The following NTAQ1 variants were observed in gnomAD, a reference collection of about 807,000 sequenced individuals.
NTAQ1 encodes the protein N-terminal glutamine amidase 1.
A neutral mutation model predicts 28.2 loss-of-function variants in NTAQ1; 21 were observed. The observed-to-expected ratio is 0.74, with a 90% CI of 0.53 to 1.07. The LOEUF is 1.07. Among genes scored for constraint, NTAQ1 ranks in the 50% least tolerant of loss-of-function variants. NTAQ1 has a pLI of 0.00. For synonymous variants in NTAQ1, 105 were observed against 90.0 expected, an observed-to-expected ratio of 1.17 and a Z score of -0.94; for missense variants, 264 against 256.6, an observed-to-expected ratio of 1.03 and a Z score of -0.20.
At chr8:123,447,636 T>C (rs987562372) in intron 6 of NTAQ1, among the ~76,000 whole-genome samples, 4 of 152,168 alleles carry the variant, frequency 2.6e-5, no homozygotes, top group African/African-American at 9.7e-5. Context: ...AAAAAGCACC[T>C]GAGAAGCTTC....
intron 3 of NTAQ1, among the ~76,000 whole-genome samples, chr8:123,430,476 T>C (rs112579363): frequency 6.2e-4 from 94 of 152,322 alleles, no homozygotes; most frequent in African/African-American, 2.2e-3. Context: ...ACACCATCTC[T>C]AATAATAATA....
At chr8:123,424,284 C>G (rs1223732946) in intron 1 of NTAQ1, among the ~76,000 whole-genome samples, 1 of 151,184 alleles carries the variant, frequency 6.6e-6, no homozygotes, top group African/African-American at 2.4e-5. Context: ...GCACTGTTGC[C>G]TGGGCTGGAG....
rs71310676 is a variant in NTAQ1, at chr8:123,420,590, C to CTTTTTTT, written c.83+3671_83+3677dup. Among the ~76,000 whole-genome samples, 39 of 102,056 alleles carry CTTTTTTT rather than the reference C, an allele frequency of 3.8e-4. 1 individual carries two copies. The highest frequency in any genetic ancestry group is 4.4e-4 in the Non-Finnish European group (24 of 55,020). The allele number at this position is 102,056 out of a possible 152,430, so 67.0% of individuals were successfully genotyped here. A position where few individuals can be genotyped will look rare whatever the true frequency, so the allele number is the denominator to read the frequency against. On this transcript the variant is annotated intron_variant, in intron 1 of 5. Transcript: ENST00000287387. ...CTTGCCAGCGTCTGTTATTTTTTGCCTTTTTTTTTTTTTTTTTTTGAGACA... is the reference window on the plus strand; with the variant it reads ...CTTGCCAGCGTCTGTTATTTTTTGCCTTTTTTTTTTTTTTTTTTTTTTTTTTGAGACA...
intron 1 of NTAQ1, among the ~76,000 whole-genome samples, chr8:123,422,295 A>C (rs1387204885): frequency 9.8e-6 from 1 of 102,428 alleles, no homozygotes; most frequent in Admixed American, 9.9e-5. Context: ...TTTTTTTTTG[A>C]GACAGGGTCT....
At chr8:123,418,445 C>T (rs1339562956) in intron 1 of NTAQ1, among the ~76,000 whole-genome samples, 5 of 94,674 alleles carry the variant, frequency 5.3e-5, no homozygotes, top group Admixed American at 3.1e-4. Context: ...AAGACTCCAT[C>T]TCAAAAAAAA....
chr8:123,436,320 T>G (rs1203602295), intron 3 of NTAQ1, 133 bp from the exon 4 acceptor site: 1 of 711,454 alleles, frequency 1.4e-6, no homozygotes, highest in Non-Finnish European at 2.2e-6. Context: ...TTGTGTTTGC[T>G]TTATTCTATT....
At chr8:123,444,709 C>G (rs1365422487), downstream of NTAQ1, among the ~76,000 whole-genome samples, 2 of 152,176 alleles carry the variant, frequency 1.3e-5, no homozygotes, top group Non-Finnish European at 2.9e-5. Flanking sequence ...CGGGGTTTCA[C>G]CGTGTTAGCC....
intron 6 of NTAQ1, among the ~76,000 whole-genome samples, chr8:123,459,060 G>C (rs1175984494): frequency 1.3e-5 from 2 of 151,748 alleles, no homozygotes; most frequent in East Asian, 2.0e-4. Flanking sequence ...CCTGGCAACA[G>C]AGTGAGACTC....
chr8:123,439,108 A>T (rs1814890738), intron 5 of NTAQ1, among the ~76,000 whole-genome samples: 1 of 151,972 alleles, frequency 6.6e-6, no homozygotes, highest in Non-Finnish European at 1.5e-5. Context: ...TAGTCATTGG[A>T]TGCTGTTTTG....
chr8:123,449,125 A>T (rs988253874), downstream of NTAQ1, among the ~76,000 whole-genome samples: 3 of 152,108 alleles, frequency 2.0e-5, no homozygotes, highest in Non-Finnish European at 4.4e-5. Context: ...GGAGCCTTGG[A>T]GGTAGCTGCT....
chr8:123,466,778 G>GT (rs1815969859), intron 6 of NTAQ1, among the ~76,000 whole-genome samples: 2 of 152,086 alleles, frequency 1.3e-5, no homozygotes, highest in African/African-American at 4.8e-5. Flanking sequence ...GGTAATTCTA[G>GT]TTTTAATTTT....
chr8:123,428,328 CT>C (rs1488450904), intron 2 of NTAQ1, among the ~76,000 whole-genome samples: 1 of 152,120 alleles, frequency 6.6e-6, no homozygotes, highest in Non-Finnish European at 1.5e-5. Context: ...TCCCAAGTAG[CT>C]GAGACTACAG....
intron 6 of NTAQ1, among the ~76,000 whole-genome samples, chr8:123,459,272 A>C (rs928936826): frequency 6.6e-6 from 1 of 151,898 alleles, no homozygotes; most frequent in Non-Finnish European, 1.5e-5. Context: ...GTAGATGAAC[A>C]GCCAGATGAA....
intron 2 of NTAQ1, among the ~76,000 whole-genome samples, chr8:123,428,863 A>G (rs1167875625): frequency 3.9e-5 from 6 of 151,954 alleles, no homozygotes; most frequent in Admixed American, 6.6e-5. Context: ...TGGCCTCCCA[A>G]TGTGGTGGGA....
chr8:123,452,074 G>A (rs532382852), downstream of NTAQ1, among the ~76,000 whole-genome samples: 78 of 152,216 alleles, frequency 5.1e-4, no homozygotes, highest in South Asian at 1.2e-3. Context: ...ATTCTTGGCA[G>A]GCACCTCATT....
At chr8:123,439,510 T>A (rs1266669541) in intron 5 of NTAQ1, among the ~76,000 whole-genome samples, 1 of 149,088 alleles carries the variant, frequency 6.7e-6, no homozygotes, top group Non-Finnish European at 1.5e-5. Flanking sequence ...ACCCGGCTAA[T>A]TTTTTTTTTG....
At chr8:123,457,232 A>G (rs1815674370) in intron 6 of NTAQ1, among the ~76,000 whole-genome samples, 2 of 152,100 alleles carry the variant, frequency 1.3e-5, no homozygotes, top group Non-Finnish European at 2.9e-5. Context: ...ATGCCCAGCT[A>G]ATTTTTGTAT....
At chr8:123,428,160 T>A in intron 2 of NTAQ1, 137 bp downstream of exon 2, 1 of 578,554 alleles carries the variant, frequency 1.7e-6, no homozygotes, top group Non-Finnish European at 2.9e-6. Flanking sequence ...CAGCAACATT[T>A]AAAAGCTTGC....
chr8:123,430,187 C>T (rs1360025334), intron 3 of NTAQ1, 154 bp downstream of exon 3: 9 of 482,280 alleles, frequency 1.9e-5, no homozygotes, highest in Non-Finnish European at 3.0e-5. Flanking sequence ...GTTATTTGAT[C>T]TAAGGTAGAA....
Sources: gnomAD v4.1 joint callset for allele counts (sites outside exome capture counted in the v4.1 genomes callset) on GRCh38, gnomAD v4.1.1 for gene constraint, MANE v1.5 for transcripts, NCBI Gene and HGNC (gene_info 2026-07-23, HGNC 2026-07-21) for gene names.